Variants in CCPG1 observed in about 807,000 individuals in gnomAD.
The protein encoded by CCPG1 is cell cycle progression 1.
A neutral mutation model predicts 81.3 loss-of-function variants in CCPG1; 46 were observed. That is an observed-to-expected ratio of 0.57 (90% CI 0.45 to 0.72). The LOEUF (loss-of-function observed/expected upper bound fraction) is 0.72. Ranked by LOEUF, CCPG1 falls within the 30% of genes least tolerant of loss-of-function variation. CCPG1 has a pLI of 0.00. For missense variants in CCPG1, 902 were observed against 937.6 expected (o/e 0.96, Z 0.50); for synonymous variants, 330 against 305.2 (o/e 1.08, Z -0.85).
chr15:55,380,819 CCT>C (rs2056673746), intron 3 of CCPG1, among the ~76,000 whole-genome samples: 1 of 150,984 alleles, frequency 6.6e-6, no homozygotes, highest in South Asian at 2.1e-4. Flanking sequence ...TCAAGACCAG[CCT>C]GACCAACATA....
intron 8 of CCPG1, chr15:55,358,384 A>G: frequency 1.0e-6 from 1 of 985,426 alleles, no homozygotes; most frequent in Middle Eastern, 5.2e-4. Context: ...AAAATACAAT[A>G]TAATCTTATC....
chr15:55,372,016 T>C lies in CCPG1; in HGVS notation c.483A>G (p.Glu161=), dbSNP rs1219431266. 1 of 1,614,084 alleles carries C rather than the reference T, an allele frequency of 6.2e-7. No homozygotes were observed. Among genetic ancestry groups the C allele is most frequent in the South Asian group, 1.1e-5 (1 of 91,072 alleles). The change falls in exon 6 of 9, where the codon GAA becomes GAG. Residue 161 remains glutamate (E), a synonymous_variant. Coordinates refer to ENST00000442196, the MANE Select transcript of CCPG1 (RefSeq NM_001204450.2). ...GATTACTGGTTTCATCACTACTTGA[T>C]TCATCGTCACTAGGCTGAGATGAAA... The part of the protein sequence containing the change: ...TVFSSQPSDD[E]SSSDETSNQP...
chr15:55,362,773 G>T (rs1442233622), intron 7 of CCPG1, among the ~76,000 whole-genome samples: 1 of 152,180 alleles, frequency 6.6e-6, no homozygotes, highest in Non-Finnish European at 1.5e-5. Context: ...TGGGCACAGT[G>T]GCTCAATCCT....
chr15:55,391,867 C>G (rs117545492), intron 1 of CCPG1, among the ~76,000 whole-genome samples: 1 of 100,170 alleles, frequency 1.0e-5, no homozygotes, highest in African/African-American at 3.7e-5. Flanking sequence ...GAAACCTTGA[C>G]TCTTTAAAAA....
chr15:55,376,783 A>G (rs1455396563), intron 5 of CCPG1, among the ~76,000 whole-genome samples, 166 bp downstream of exon 5: 1 of 152,236 alleles, frequency 6.6e-6, no homozygotes, highest in Non-Finnish European at 1.5e-5. Context: ...AGAACAGTCT[A>G]GCGAAACACT....
intron 2 of CCPG1, among the ~76,000 whole-genome samples, chr15:55,389,068 C>CAAAAAAAAAAAAAAA (rs373917631): frequency 7.1e-5 from 4 of 56,296 alleles, no homozygotes; most frequent in African/African-American, 7.1e-5. Context: ...GACTCTGTCT[C>CAAAAAAAAAAAAAAA]AAAAAAAAAA....
intron 8 of CCPG1, chr15:55,357,879 T>A (rs1019759077): frequency 2.0e-5 from 3 of 152,140 alleles, no homozygotes; most frequent in African/African-American, 7.2e-5. Flanking sequence ...TTCATAAGTT[T>A]TCAATTATAT....
chr15:55,406,450 G>GTTTTTTTTTTTTTTTTTTTTTTTGT (rs751788415), intron 1 of CCPG1, among the ~76,000 whole-genome samples: 1 of 89,068 alleles, frequency 1.1e-5, no homozygotes. Flanking sequence ...TTTTTTTTTT[G>GTTTTTTTTTTTTTTTTTTTTTTTGT]TTTTTTTTTT....
chr15:55,405,848 C>G (rs915139459), intron 1 of CCPG1, among the ~76,000 whole-genome samples: 1 of 152,160 alleles, frequency 6.6e-6, no homozygotes, highest in Non-Finnish European at 1.5e-5. Context: ...GGGACTTTGC[C>G]TGTGTTTTTT....
chr15:55,395,111 A>AAGCAGCAGGACCTAG (rs1480463043), intron 1 of CCPG1, among the ~76,000 whole-genome samples: 1 of 152,048 alleles, frequency 6.6e-6, no homozygotes, highest in Non-Finnish European at 1.5e-5. Flanking sequence ...TCTGTGCGGC[A>AAGCAGCAGGACCTAG]AGCAGCAGGA....
chr15:55,397,923 G>C (rs934875220), intron 1 of CCPG1, among the ~76,000 whole-genome samples: 1 of 152,020 alleles, frequency 6.6e-6, no homozygotes, highest in Non-Finnish European at 1.5e-5. Context: ...GTTGCAGTGA[G>C]CCGAGACTAT....
chr15:55,359,233 A>T (rs1269408105), intron 8 of CCPG1: 1 of 1,035,824 alleles, frequency 9.7e-7, no homozygotes, highest in Non-Finnish European at 1.2e-6. Flanking sequence ...ATCTTTTCAT[A>T]TAAACTATAA....
chr15:55,392,251 C>G (rs2056935085), intron 1 of CCPG1, among the ~76,000 whole-genome samples: 1 of 142,170 alleles, frequency 7.0e-6, no homozygotes, highest in Non-Finnish European at 1.5e-5. Context: ...CTCACTCTGT[C>G]ACCAGGCTGG....
At chr15:55,362,226 A>G (rs1337236723) in intron 7 of CCPG1, among the ~76,000 whole-genome samples, 2 of 152,186 alleles carry the variant, frequency 1.3e-5, no homozygotes, top group Non-Finnish European at 2.9e-5. Context: ...TATCCTATGT[A>G]TAAATCTGCA....
intron 8 of CCPG1, chr15:55,356,785 G>C: frequency 2.0e-6 from 2 of 995,824 alleles, no homozygotes; most frequent in Non-Finnish European, 2.4e-6. Flanking sequence ...CACAAACAAA[G>C]CAAAACAAAA....
At chr15:55,406,106 C>A (rs940900572) in intron 1 of CCPG1, among the ~76,000 whole-genome samples, 4 of 152,324 alleles carry the variant, frequency 2.6e-5, no homozygotes, top group African/African-American at 9.6e-5. Context: ...CTCAAGTGAT[C>A]CGCCTGCCTT....
intron 8 of CCPG1, chr15:55,357,261 C>G: frequency 1.0e-6 from 1 of 963,926 alleles, no homozygotes; most frequent in Non-Finnish European, 1.2e-6. Flanking sequence ...ACCCAGAAAT[C>G]TAGAAGTCAC....
In CCPG1 at chr15:55,360,617, G is replaced by C; in HGVS notation, c.1156C>G (p.Leu386Val). 1 of 1,614,124 alleles carries C rather than the reference G, an allele frequency of 6.2e-7. No homozygotes were observed. The highest frequency in any genetic ancestry group is 8.5e-7 in the Non-Finnish European group (1 of 1,180,034). ...GTAGTTACTAGTCGTTCTCTCTCCA[G>C]TTCTCTCTTTAGCATCTTTGCTTCT... ...LTEAKMLKRE[L>V]ERERLVTTAL... The change falls in exon 8 of 9, where the codon CTG (leucine) becomes GTG (valine). Residue 386 changes from leucine to valine, a missense_variant. Physicochemically the swap from Leu to Val is conservative, Grantham distance 32. This residue lies in a region of CCPG1 where 746 missense variants were observed against 728.6 expected (regional missense o/e 1.02). Coordinates refer to ENST00000442196, the MANE Select transcript of CCPG1 (RefSeq NM_001204450.2).
chr15:55,360,812 A>T lies in CCPG1; in HGVS notation c.961T>A (p.Leu321Ile). 6.2e-7 allele frequency: 1 copy of T among 1,612,532 alleles called. No homozygotes were observed. The highest frequency in any genetic ancestry group is 8.5e-7 in the Non-Finnish European group (1 of 1,179,568). The change falls in exon 8 of 9, where the codon TTA becomes ATA. Residue 321 changes from leucine (L) to isoleucine (I), a missense_variant. This residue lies in a region of CCPG1 where 746 missense variants were observed against 728.6 expected (regional missense o/e 1.02). Coordinates refer to ENST00000442196, the MANE Select transcript of CCPG1 (RefSeq NM_001204450.2). ...RVSLEKEEKALSSLQEELNKL... is the reference protein window; with the variant it reads ...RVSLEKEEKAISSLQEELNKL... ...TTTAACTCTTCCTGTAATGAGGATA[A>T]GGCTTTTTCTTCCTTCTCCAAGGAT...
Sources: gnomAD v4.1 joint callset for allele counts (sites outside exome capture counted in the v4.1 genomes callset) on GRCh38, gnomAD v4.1.1 for gene constraint, gnomAD v4.1.1 regional missense constraint, MANE v1.5 for transcripts, NCBI Gene and HGNC (gene_info 2026-07-23, HGNC 2026-07-21) for gene names.